Variants in FRMD3 observed in about 807,000 individuals in gnomAD.
FRMD3 encodes FERM domain-containing protein 3.
FRMD3 carries 33 observed loss-of-function variants against 70.2 expected under a neutral mutation model. The observed-to-expected ratio is 0.47, with a 90% confidence interval of 0.36 to 0.63. The LOEUF (loss-of-function observed/expected upper bound fraction) is 0.63. FRMD3 is among the 20% of genes least tolerant of loss of function. FRMD3 has a pLI of 0.00. For missense variants in FRMD3, 632 were observed against 711.4 expected, an observed-to-expected ratio of 0.89 and a Z score of 1.27; for synonymous variants, 279 against 255.9, an observed-to-expected ratio of 1.09 and a Z score of -0.86.
chr9:83,569,654 T>A, the FRMD3 span, among the ~76,000 whole-genome samples: 18 of 152,376 alleles, frequency 1.2e-4, no homozygotes, highest in African/African-American at 4.1e-4. Flanking sequence ...AGGCATAATA[T>A]CTTCCAGTTT....
In FRMD3 at chr9:83,244,957, AT is replaced by A. The variant is rs1187352906; in HGVS notation, c.*2960del. ...ACTAAAGGCAATATTGTGTGTGTAT[AT>A]GTATTTGCCATATGTGTGTGTGTAT... On this transcript the variant is annotated 3_prime_UTR_variant, in exon 14 of 14. Transcript: ENST00000304195. The A allele has an allele frequency of 2.0e-6, 2 of 983,470 alleles. No homozygotes were observed. Among genetic ancestry groups the A allele is most frequent in the African/African-American group, 3.5e-5 (2 of 57,184 alleles). The allele number at this position is 983,470 out of a possible 1,614,324, so 60.9% of individuals were successfully genotyped here.
intron 6 of FRMD3, among the ~76,000 whole-genome samples, chr9:83,320,150 T>TC (rs1210821493): frequency 6.6e-6 from 1 of 152,176 alleles, no homozygotes; most frequent in African/African-American, 2.4e-5. Flanking sequence ...TCTTTTTTTT[T>TC]CTCTAGTCTG....
chr9:83,433,086 A>C (rs1022572167), intron 1 of FRMD3, among the ~76,000 whole-genome samples: 9 of 152,208 alleles, frequency 5.9e-5, no homozygotes, highest in African/African-American at 2.2e-4. Flanking sequence ...TTAGTGGCTG[A>C]GTAGTATTCC....
chr9:83,243,446 T>G (rs931803234), downstream of FRMD3, among the ~76,000 whole-genome samples: 1 of 152,186 alleles, frequency 6.6e-6, no homozygotes, highest in Non-Finnish European at 1.5e-5. Context: ...TCTTCCTCTA[T>G]TTGGCTAAGG....
At chr9:83,559,051 CA>C in the FRMD3 span, among the ~76,000 whole-genome samples, 1 of 152,098 alleles carries the variant, frequency 6.6e-6, no homozygotes, top group Non-Finnish European at 1.5e-5. Flanking sequence ...GTTGAAATGG[CA>C]ACAAAAAATT....
chr9:83,371,199 T>G (rs780353606), intron 3 of FRMD3, among the ~76,000 whole-genome samples: 33 of 152,194 alleles, frequency 2.2e-4, no homozygotes, highest in Admixed American at 5.2e-4. Flanking sequence ...AACAAAAATA[T>G]CAATATTTTG....
intron 1 of FRMD3, 46 bp from the exon 2 acceptor site, chr9:83,389,754 C>T: frequency 7.5e-7 from 1 of 1,332,762 alleles, no homozygotes; most frequent in Non-Finnish European, 1.1e-6. Flanking sequence ...TCACCTTGTG[C>T]ATTCACGTCC....
chr9:83,330,182 T>C (rs1039939381), intron 6 of FRMD3, among the ~76,000 whole-genome samples: 12 of 151,966 alleles, frequency 7.9e-5, no homozygotes, highest in African/African-American at 1.9e-4. Context: ...CTGACCAACA[T>C]GGAGAAACCC....
intron 3 of FRMD3, among the ~76,000 whole-genome samples, chr9:83,352,586 C>A (rs1824196806): frequency 6.6e-6 from 1 of 152,198 alleles, no homozygotes; most frequent in Admixed American, 6.5e-5. Flanking sequence ...GCTTCTCCCA[C>A]GTACATGAAG....
rs765236400 is a variant in FRMD3 at position 83,538,049 on chromosome 9, C to A, written c.147+36G>T. 2 of 1,603,018 alleles carry A rather than the reference C, an allele frequency of 1.2e-6. No individual in the cohort carries two copies. The stretch of plus-strand genomic sequence containing the variant: ...CAAAGGCCCCCCGCCCTGCTCCCGG[C>A]GTGTGCCCCGCGCCCTCGCCCGGTT... On this transcript the variant is annotated intron_variant, in intron 1 of 13. Coordinates refer to ENST00000304195, the MANE Select transcript of FRMD3 (RefSeq NM_174938.6). This position sits in a 1 kb window ranked among gnomAD's most constrained non-coding sequence, Gnocchi z 4.7.
At chr9:83,371,883 G>A (rs1438353320) in intron 3 of FRMD3, among the ~76,000 whole-genome samples, 2 of 152,214 alleles carry the variant, frequency 1.3e-5, no homozygotes, top group African/African-American at 4.8e-5. Context: ...GAAAGGGACA[G>A]GGAGGCAGGG....
chr9:83,430,806 G>A (rs1826953209), intron 1 of FRMD3, among the ~76,000 whole-genome samples: 1 of 152,170 alleles, frequency 6.6e-6, no homozygotes. Flanking sequence ...TGACCACTTG[G>A]CACTGGCTCA....
chr9:83,494,080 G>A (rs779300004), intron 1 of FRMD3, among the ~76,000 whole-genome samples: 10 of 152,178 alleles, frequency 6.6e-5, no homozygotes, highest in South Asian at 6.2e-4. Flanking sequence ...AGCCTCCTCC[G>A]TAGAAGAATC....
At chr9:83,280,314 T>C (rs1198052355) in intron 13 of FRMD3, among the ~76,000 whole-genome samples, 2 of 152,228 alleles carry the variant, frequency 1.3e-5, no homozygotes, top group African/African-American at 4.8e-5. Flanking sequence ...TAATATTGTA[T>C]TCGGTGTCCA....
At chr9:83,336,880 C>A (rs1823598871) in intron 5 of FRMD3, among the ~76,000 whole-genome samples, 1 of 151,856 alleles carries the variant, frequency 6.6e-6, no homozygotes, top group African/African-American at 2.4e-5. Context: ...CGATGCTGCC[C>A]CTCCCTTTTG....
chr9:83,492,751 C>T (rs1828857531), intron 1 of FRMD3, among the ~76,000 whole-genome samples: 1 of 152,218 alleles, frequency 6.6e-6, no homozygotes. Flanking sequence ...CCACCACTCA[C>T]AATTTGCATG....
At chr9:83,270,198 A>G (rs545757092) in intron 13 of FRMD3, among the ~76,000 whole-genome samples, 1 of 152,378 alleles carries the variant, frequency 6.6e-6, no homozygotes, top group South Asian at 2.1e-4. Flanking sequence ...TTGGGAATGC[A>G]TGTCTGGGCA....
intron 1 of FRMD3, among the ~76,000 whole-genome samples, chr9:83,404,233 T>C (rs1447426196): frequency 6.6e-6 from 1 of 152,216 alleles, no homozygotes; most frequent in Non-Finnish European, 1.5e-5. Context: ...TATATTTACA[T>C]CTCTTCTGAC....
intron 1 of FRMD3, among the ~76,000 whole-genome samples, chr9:83,448,858 C>T (rs967418903): frequency 2.0e-5 from 3 of 152,168 alleles, no homozygotes; most frequent in East Asian, 1.9e-4. Context: ...TTTATTGTTA[C>T]GGTTGGAAGA....
Sources: allele counts gnomAD v4.1 joint callset (sites outside exome capture counted in the v4.1 genomes callset), GRCh38; gene constraint gnomAD v4.1.1; non-coding constraint Gnocchi (gnomAD v3.1); transcripts MANE v1.5; gene names NCBI Gene and HGNC (gene_info 2026-07-23, HGNC 2026-07-21).